ANK2: variants seen among roughly 807,000 people sequenced by gnomAD.
The protein encoded by ANK2 is ankyrin-2.
Under a neutral mutation model 360.5 loss-of-function variants are expected in ANK2, and 83 were observed. The observed-to-expected ratio is 0.23, with a 90% CI of 0.19 to 0.28. The LOEUF (loss-of-function observed/expected upper bound fraction) is 0.28. Among genes scored for constraint, ANK2 ranks in the 10% least tolerant of loss-of-function variants. The probability of loss-of-function intolerance (pLI) is 1.00; values close to 1 mark genes in which losing one functional copy is unlikely to be tolerated. For missense variants in ANK2, 4,201 were observed against 4,795.7 expected (o/e 0.88, Z 3.66); for synonymous variants, 1,740 against 1,759.5 (o/e 0.99, Z 0.28).
chr4:113,020,343 C>G (rs1221587563), intron 2 of ANK2, among the ~76,000 whole-genome samples: 1 of 152,018 alleles, frequency 6.6e-6, no homozygotes, highest in Admixed American at 6.6e-5. Context: ...AATGCTACTG[C>G]CCCAAGCTAA....
In ANK2 at chr4:113,329,400, GA is replaced by G; in HGVS notation, c.2901-842del. Among the ~76,000 whole-genome samples, 5 of 152,184 alleles carry G rather than the reference GA, an allele frequency of 3.3e-5. No individual in the cohort carries two copies. The South Asian group carries it at 1.0e-3, about 32-fold the overall frequency. On this transcript the variant is annotated intron_variant, in intron 26 of 45. Coordinates refer to ENST00000357077, the MANE Select transcript of ANK2 (RefSeq NM_001148.6). Reference sequence around the variant, plus strand: ...TTTTTCATGAACAATTAACCTAGAAGAAAAGGAGAAAAATTAATAGGGATGC... The same window carrying G: ...TTTTTCATGAACAATTAACCTAGAAGAAAGGAGAAAAATTAATAGGGATGC...
the ANK2 span, among the ~76,000 whole-genome samples, chr4:112,770,177 A>G: frequency 6.6e-6 from 1 of 152,108 alleles, no homozygotes; most frequent in African/African-American, 2.4e-5. Flanking sequence ...TCTACATCGA[A>G]TCACAATAAA....
rs368030613 is a variant in ANK2 at position 113,367,588 on chromosome 4, G to A, written c.11055G>A (p.Glu3685=). 9 of 1,613,532 alleles carry A rather than the reference G, an allele frequency of 5.6e-6. No individual in the cohort carries two copies. The highest frequency in any genetic ancestry group is 7.6e-6 in the Non-Finnish European group (9 of 1,179,940). The change falls in exon 42 of 46, where the codon GAG becomes GAA. Residue 3685 remains glutamate, a synonymous_variant. Coordinates refer to ENST00000357077, the MANE Select transcript of ANK2 (RefSeq NM_001148.6). ...TAGGGTTCTCGGTACTTCAAGAGGA[G>A]TTATGCACTGCACAGCACAAGCAGA... is the stretch of plus-strand genomic sequence containing the variant. The part of the protein sequence containing the change: ...HSEGFSVLQE[E]LCTAQHKQKE...
intron 34 of ANK2, among the ~76,000 whole-genome samples, chr4:113,343,609 T>C (rs763482949): frequency 2.0e-5 from 3 of 152,198 alleles, no homozygotes; most frequent in Non-Finnish European, 4.4e-5. Flanking sequence ...TGATATATTT[T>C]CATAAATTCA....
intron 13 of ANK2, 44 bp from the exon 14 acceptor site, chr4:113,264,853 G>C (rs1482785798): frequency 3.3e-6 from 5 of 1,535,320 alleles, no homozygotes; most frequent in Non-Finnish European, 4.4e-6. Context: ...ACCATCCAGA[G>C]CGGTGGGTTA....
At chr4:113,014,124 G>T (rs1159342145) in intron 2 of ANK2, among the ~76,000 whole-genome samples, 1 of 152,050 alleles carries the variant, frequency 6.6e-6, no homozygotes, top group Admixed American at 6.6e-5. Context: ...AGCATTCCCT[G>T]TCTGTTGCAT....
chr4:112,884,760 C>T (rs2150513758), intron 1 of ANK2, among the ~76,000 whole-genome samples: 1 of 152,276 alleles, frequency 6.6e-6, no homozygotes, highest in Admixed American at 6.5e-5. Flanking sequence ...ACTTTCTGTT[C>T]TGTTTTCTAA....
At chr4:112,946,675 T>A (rs2094564107) in intron 2 of ANK2, among the ~76,000 whole-genome samples, 1 of 152,200 alleles carries the variant, frequency 6.6e-6, no homozygotes, top group Non-Finnish European at 1.5e-5. Flanking sequence ...AAAAATCTAA[T>A]TTTGCTTAAA....
rs1588704832 is a variant in ANK2, at chr4:113,345,980, A to G, written c.4329A>G (p.Gln1443=). The change falls in exon 35 of 46, where the codon CAA becomes CAG. Residue 1443 remains glutamine (Q), a synonymous_variant. Coordinates refer to ENST00000357077, the MANE Select transcript of ANK2 (RefSeq NM_001148.6). ...EPKSTRGLVH[Q]AICNLNITLP... is the part of the protein sequence containing the mutation. Reference sequence around the variant, plus strand: ...AATCCACGAGAGGCCTGGTGCATCAAGCTATTTGCAACTTAAACATCACTT... The same window carrying G: ...AATCCACGAGAGGCCTGGTGCATCAGGCTATTTGCAACTTAAACATCACTT... 3 of 1,613,738 alleles carry G rather than the reference A, an allele frequency of 1.9e-6. No individual in the cohort carries two copies. The highest frequency in any genetic ancestry group is 2.5e-6 in the Non-Finnish European group (3 of 1,179,662).
intron 21 of ANK2, 143 bp downstream of exon 21, chr4:113,292,657 C>T: frequency 1.1e-6 from 1 of 920,328 alleles, no homozygotes. Context: ...GATTTTTGGG[C>T]AGGCTTTCCA....
At chr4:113,379,624 G>A (rs1056615099) in intron 45 of ANK2, among the ~76,000 whole-genome samples, 13 of 152,042 alleles carry the variant, frequency 8.6e-5, no homozygotes, top group South Asian at 2.1e-4. Flanking sequence ...TGGCTGCCGC[G>A]TATTTAGGAA....
intron 2 of ANK2, among the ~76,000 whole-genome samples, chr4:113,002,931 A>C (rs1048993944): frequency 8.5e-5 from 13 of 152,296 alleles, no homozygotes; most frequent in South Asian, 4.1e-4. Flanking sequence ...TGCCCATCTG[A>C]TATGACTTTG....
At chr4:113,310,485 C>T (rs1252307564) in intron 23 of ANK2, among the ~76,000 whole-genome samples, 1 of 151,914 alleles carries the variant, frequency 6.6e-6, no homozygotes, top group East Asian at 1.9e-4. Context: ...GGTGCAATCT[C>T]GGCTCACTGC....
At chr4:112,968,994 C>T (rs1249876593) in intron 2 of ANK2, among the ~76,000 whole-genome samples, 1 of 152,212 alleles carries the variant, frequency 6.6e-6, no homozygotes. Flanking sequence ...AATTATTCAG[C>T]TAGCCCTGTG....
intron 2 of ANK2, among the ~76,000 whole-genome samples, chr4:112,945,265 T>C (rs552694296): frequency 6.6e-6 from 1 of 152,336 alleles, no homozygotes; most frequent in East Asian, 1.9e-4. Flanking sequence ...TCACATTTCA[T>C]TGGCCAAAGC....
At chr4:112,900,073 G>A (rs777232929) in intron 1 of ANK2, among the ~76,000 whole-genome samples, 1 of 152,018 alleles carries the variant, frequency 6.6e-6, no homozygotes, top group African/African-American at 2.4e-5. Context: ...ATAATATAAG[G>A]TGTCTCATGT....
chr4:113,283,870 A>C (rs1348653599), intron 18 of ANK2, among the ~76,000 whole-genome samples: 1 of 152,208 alleles, frequency 6.6e-6, no homozygotes, highest in East Asian at 1.9e-4. Flanking sequence ...GTTAGTTGGT[A>C]CTTTTAAAGT....
intron 2 of ANK2, among the ~76,000 whole-genome samples, chr4:113,027,118 C>G (rs1363774930): frequency 6.6e-6 from 1 of 152,040 alleles, no homozygotes; most frequent in Admixed American, 6.6e-5. Context: ...TCTTCATTGT[C>G]CTTGGTATCT....
intron 1 of ANK2, among the ~76,000 whole-genome samples, chr4:112,852,148 C>A (rs1239122904): frequency 6.6e-6 from 1 of 152,216 alleles, no homozygotes; most frequent in Non-Finnish European, 1.5e-5. Context: ...TACGTATTAT[C>A]CTTTTTACAA....
Sources: allele counts gnomAD v4.1 joint callset (sites outside exome capture counted in the v4.1 genomes callset), GRCh38; gene constraint gnomAD v4.1.1; transcripts MANE v1.5; gene names NCBI Gene and HGNC (gene_info 2026-07-23, HGNC 2026-07-21).